Variants in PRMT8 observed in about 807,000 individuals in gnomAD.
The protein encoded by PRMT8 is protein arginine N-methyltransferase 8.
A neutral mutation model predicts 47.1 loss-of-function variants in PRMT8; 7 were observed. The ratio of observed to expected loss-of-function variants is 0.15; its 90% CI spans 0.08 to 0.28. PRMT8 has a LOEUF of 0.28. Among genes scored for constraint, PRMT8 ranks in the 10% least tolerant of loss-of-function variants. The probability of loss-of-function intolerance (pLI) is 1.00; values close to 1 mark genes in which losing one functional copy is unlikely to be tolerated. For missense variants in PRMT8, 237 were observed against 505.4 expected (o/e 0.47, Z 5.09); for synonymous variants, 188 against 186.5 (o/e 1.01, Z -0.07).
intron 1 of PRMT8, among the ~76,000 whole-genome samples, chr12:3,509,360 C>G (rs1865676369): frequency 6.6e-6 from 1 of 152,188 alleles, no homozygotes; most frequent in South Asian, 2.1e-4. Context: ...TCGCTTCTTC[C>G]AAGAAGGCTT....
chr12:3,591,565 T>C (rs1867306811), intron 8 of PRMT8, among the ~76,000 whole-genome samples: 1 of 152,036 alleles, frequency 6.6e-6, no homozygotes, highest in Admixed American at 6.6e-5. Flanking sequence ...CACAGATGTG[T>C]GCTACCACAC....
chr12:3,523,889 A>T (rs1400030252), intron 1 of PRMT8, among the ~76,000 whole-genome samples: 1 of 152,238 alleles, frequency 6.6e-6, no homozygotes, highest in African/African-American at 2.4e-5. Context: ...TGCAGGGGCA[A>T]AGTTCAATAA....
At chr12:3,581,966 T>C (rs73243721) in intron 7 of PRMT8, among the ~76,000 whole-genome samples, 3,374 of 152,316 alleles carry the variant, frequency 0.022, 144 homozygotes, top group African/African-American at 0.076. Context: ...TTTCCTACCC[T>C]CTGGTCCCTC....
At chr12:3,475,989 T>C (rs1318771174) in intron 1 of PRMT8, among the ~76,000 whole-genome samples, 1 of 152,184 alleles carries the variant, frequency 6.6e-6, no homozygotes, top group Middle Eastern at 3.2e-3. Flanking sequence ...TGCTAAGAAA[T>C]AGCATTGGGC....
intron 1 of PRMT8, among the ~76,000 whole-genome samples, chr12:3,392,211 T>A (rs899526811): frequency 5.3e-5 from 8 of 152,090 alleles, no homozygotes; most frequent in East Asian, 3.8e-4. Flanking sequence ...TTTATTTTTT[T>A]AAATTTATTA....
Position 3,453,907 on chromosome 12 carries a change from C to T in PRMT8, c.48+72465C>T, listed in dbSNP as rs959439388. ...GTGCAGCCTTGTCCTCAGCGTTCAA[C>T]ACGGGGTGCCTCGTGTGCTCCTCAT... On this transcript the variant is annotated intron_variant, in intron 1 of 9. Coordinates refer to the PRMT8 transcript ENST00000452611. This position sits in a 1 kb window ranked among gnomAD's most constrained non-coding sequence, Gnocchi z 4.9. Among the ~76,000 whole-genome samples the T allele has an allele frequency of 1.3e-5, 2 of 152,222 alleles. No homozygotes were observed. Among genetic ancestry groups the T allele is most frequent in the Non-Finnish European group, 2.9e-5 (2 of 68,044 alleles).
intron 1 of PRMT8, among the ~76,000 whole-genome samples, chr12:3,423,528 G>A (rs145850683): frequency 6.2e-4 from 95 of 152,158 alleles, no homozygotes; most frequent in African/African-American, 1.9e-3. Context: ...TTTTCTTTCC[G>A]TGAGAAGCAT....
upstream of PRMT8, among the ~76,000 whole-genome samples, chr12:3,488,225 G>A (rs1865340228): frequency 1.3e-5 from 2 of 152,188 alleles, no homozygotes; most frequent in South Asian, 4.2e-4. Context: ...TATAGTAAGT[G>A]TTCTATAAGA....
intron 1 of PRMT8, among the ~76,000 whole-genome samples, chr12:3,420,953 T>G (rs1254961822): frequency 3.9e-5 from 6 of 152,230 alleles, no homozygotes; most frequent in African/African-American, 1.4e-4. Flanking sequence ...GCACAGCATC[T>G]ACTGCATGTT....
chr12:3,499,164 T>A (rs1250888833), intron 1 of PRMT8, among the ~76,000 whole-genome samples: 10 of 147,820 alleles, frequency 6.8e-5, no homozygotes, highest in African/African-American at 2.6e-4. Context: ...TTTTTATTTT[T>A]ATTTATTTAT....
intron 8 of PRMT8, among the ~76,000 whole-genome samples, chr12:3,586,389 G>A (rs1241050166): frequency 6.6e-6 from 1 of 152,166 alleles, no homozygotes; most frequent in Non-Finnish European, 1.5e-5. Context: ...GTGGCTCAAA[G>A]ACCAAGGATC....
At chr12:3,480,183 G>A (rs1865259252) in intron 1 of PRMT8, among the ~76,000 whole-genome samples, 1 of 152,212 alleles carries the variant, frequency 6.6e-6, no homozygotes, top group Non-Finnish European at 1.5e-5. Flanking sequence ...CAAAGACCAT[G>A]AGCATTTGAG....
At chr12:3,451,033 A>ACCCC (rs71061115) in intron 1 of PRMT8, among the ~76,000 whole-genome samples, 2 of 26,120 alleles carry the variant, frequency 7.7e-5, no homozygotes, top group Non-Finnish European at 1.3e-4. Flanking sequence ...TCTTGCTGAC[A>ACCCC]CCCCCCCCCC....
intron 1 of PRMT8, among the ~76,000 whole-genome samples, chr12:3,398,912 G>A (rs970979967): frequency 3.9e-5 from 6 of 152,216 alleles, no homozygotes; most frequent in Admixed American, 3.3e-4. Context: ...TGCTCATGGT[G>A]TGGGGGAATG....
Position 3,411,171 on chromosome 12 carries a change from C to T in PRMT8, c.48+29729C>T, listed in dbSNP as rs140815228. 4.5e-4 allele frequency among the ~76,000 whole-genome samples: 69 copies of T among 152,306 alleles called. No homozygotes were observed. In the Middle Eastern group the frequency reaches 0.02, roughly 45 times the overall value. On this transcript the variant is annotated intron_variant, in intron 1 of 9. Coordinates refer to the PRMT8 transcript ENST00000452611. Reference sequence around the variant, plus strand: ...CAGGCTTCCTCCTCCCTGGCAGAACCTGCCCTCCATTTTGGTTACAGCAGT... The same window carrying T: ...CAGGCTTCCTCCTCCCTGGCAGAACTTGCCCTCCATTTTGGTTACAGCAGT...
chr12:3,532,408 G>A (rs956535163), intron 1 of PRMT8, among the ~76,000 whole-genome samples: 2 of 150,136 alleles, frequency 1.3e-5, no homozygotes, highest in Non-Finnish European at 3.0e-5. Context: ...TCAGGAGTTC[G>A]AGACCAGCCT....
chr12:3,475,160 G>C (rs754985858), intron 1 of PRMT8, among the ~76,000 whole-genome samples: 1 of 152,110 alleles, frequency 6.6e-6, no homozygotes, highest in Non-Finnish European at 1.5e-5. Context: ...CCCTCACTTC[G>C]CCTAGTGCAA....
At chr12:3,382,317 C>T (rs1042860733) in intron 1 of PRMT8, among the ~76,000 whole-genome samples, 18 of 152,146 alleles carry the variant, frequency 1.2e-4, no homozygotes, top group African/African-American at 4.1e-4. Flanking sequence ...AAACTGTTTT[C>T]CAGAGTGGCC....
intron 1 of PRMT8, among the ~76,000 whole-genome samples, chr12:3,433,779 T>G (rs1591548632): frequency 6.6e-6 from 1 of 152,070 alleles, no homozygotes; most frequent in East Asian, 1.9e-4. Flanking sequence ...GCCCAGCTAA[T>G]TTTTGTATTT....
Sources: gnomAD v4.1 joint callset for allele counts (sites outside exome capture counted in the v4.1 genomes callset) on GRCh38, gnomAD v4.1.1 for gene constraint, Gnocchi (gnomAD v3.1) non-coding constraint, MANE v1.5 for transcripts, NCBI Gene and HGNC (gene_info 2026-07-23, HGNC 2026-07-21) for gene names.